Variants in NFIL3 observed in about 807,000 individuals in gnomAD.
NFIL3 encodes the protein nuclear factor, interleukin 3 regulated.
In NFIL3, 5 loss-of-function variants were observed where a neutral mutation model predicts 10.0. The observed-to-expected ratio is 0.50, with a 90% CI of 0.26 to 1.06. The LOEUF (loss-of-function observed/expected upper bound fraction) is 1.06. Among genes scored for constraint, NFIL3 ranks in the 50% least tolerant of loss-of-function variants. The pLI, the probability that NFIL3 is intolerant of heterozygous loss-of-function variation, is 0.13. For missense variants in NFIL3, 436 were observed against 547.6 expected (o/e 0.80, Z 2.03); for synonymous variants, 202 against 206.5 (o/e 0.98, Z 0.19).
chr9:91,447,068 G>A, the NFIL3 span, among the ~76,000 whole-genome samples: 3 of 151,986 alleles, frequency 2.0e-5, no homozygotes, highest in Admixed American at 6.6e-5. Context: ...TGCTTGCCTC[G>A]GCCTCCCAAA....
At chr9:91,411,873 C>T (rs1418847020) in intron 1 of NFIL3, among the ~76,000 whole-genome samples, 4 of 151,892 alleles carry the variant, frequency 2.6e-5, no homozygotes, top group African/African-American at 7.3e-5. Context: ...TAGGCCGAAG[C>T]GGGCAGATCA....
At chr9:91,437,906 ATC>A in the NFIL3 span, among the ~76,000 whole-genome samples, 1 of 152,192 alleles carries the variant, frequency 6.6e-6, no homozygotes, top group Non-Finnish European at 1.5e-5. Flanking sequence ...AACTATTTGT[ATC>A]TCTACAGACA....
Position 91,410,671 on chromosome 9 carries a change from C to A in NFIL3, c.64G>T (p.Val22Leu). The A allele has an allele frequency of 2.5e-6, 4 of 1,613,034 alleles. No individual in the cohort carries two copies. Among genetic ancestry groups the A allele is most frequent in the Non-Finnish European group, 3.4e-6 (4 of 1,179,744 alleles). ...GAATTAAGGACCATCATCTTGTCCA[C>A]ATTGCTACTGGCATCAAGAGACGCC... ...EQASLDASSN[V>L]DKMMVLNSAL... The change falls in exon 2 of 2, where the codon GTG becomes TTG. Residue 22 changes from valine to leucine, a missense_variant. Around this residue, in one of 3 missense-constraint regions of NFIL3, gnomAD observed 76 missense variants for 73.0 expected, o/e 1.04. Transcript: ENST00000297689. This position sits in a 1 kb window ranked among gnomAD's most constrained non-coding sequence, Gnocchi z 5.7.
At chr9:91,467,142 A>G in the NFIL3 span, among the ~76,000 whole-genome samples, 1 of 152,022 alleles carries the variant, frequency 6.6e-6, no homozygotes, top group Non-Finnish European at 1.5e-5. Flanking sequence ...CTTAAACTAA[A>G]TATCTCTCTC....
chr9:91,462,431 C>T, the NFIL3 span, among the ~76,000 whole-genome samples: 4 of 152,140 alleles, frequency 2.6e-5, no homozygotes, highest in South Asian at 8.3e-4. Flanking sequence ...TTGTCAAATG[C>T]TTTTTCTGCA....
the NFIL3 span, among the ~76,000 whole-genome samples, chr9:91,457,358 T>C: frequency 2.0e-5 from 3 of 152,014 alleles, no homozygotes; most frequent in Non-Finnish European, 4.4e-5. Flanking sequence ...TAAACACTTG[T>C]TATCTCTGCA....
chr9:91,412,610 G>A lies in NFIL3; in HGVS notation c.-172-1704C>T, dbSNP rs183420312. On this transcript the variant is annotated intron_variant, in intron 1 of 1. Transcript: ENST00000297689. ...TGTAATCCCAGCACTTTGGGAGGCC[G>A]AGGTGGGCGGATCACCTGAGGTCAG... 4.1e-3 allele frequency among the ~76,000 whole-genome samples: 623 copies of A among 152,202 alleles called. 2 individuals carry two copies. The highest frequency in any genetic ancestry group is 0.014 in the African/African-American group (571 of 41,522).
At chr9:91,430,056 A>C in the NFIL3 span, among the ~76,000 whole-genome samples, 1 of 152,222 alleles carries the variant, frequency 6.6e-6, no homozygotes, top group Non-Finnish European at 1.5e-5. Flanking sequence ...CTGATATATT[A>C]GCAAGTGTTA....
the NFIL3 span, among the ~76,000 whole-genome samples, chr9:91,459,463 C>G: frequency 6.6e-6 from 1 of 152,188 alleles, no homozygotes; most frequent in Non-Finnish European, 1.5e-5. Flanking sequence ...CCTCTCTCCT[C>G]TCTCAGTTTG....
At chr9:91,446,643 T>G in the NFIL3 span, among the ~76,000 whole-genome samples, 8 of 152,172 alleles carry the variant, frequency 5.3e-5, no homozygotes, top group Non-Finnish European at 1.0e-4. Context: ...TCTAGTAATC[T>G]CTAATATACT....
chr9:91,452,787 C>CAAA, the NFIL3 span, among the ~76,000 whole-genome samples: 53 of 59,698 alleles, frequency 8.9e-4, 1 homozygote, highest in African/African-American at 1.8e-3. Context: ...AACTCTGTCT[C>CAAA]AAAAAAAAAA....
chr9:91,438,191 A>G, the NFIL3 span, among the ~76,000 whole-genome samples: 2 of 152,176 alleles, frequency 1.3e-5, no homozygotes, highest in East Asian at 1.9e-4. Context: ...TGACTTTTAA[A>G]TAATAGCCAT....
At chr9:91,472,177 G>A in the NFIL3 span, among the ~76,000 whole-genome samples, 1 of 152,136 alleles carries the variant, frequency 6.6e-6, no homozygotes. Context: ...TGACGATTAT[G>A]TGTCTTGGGG....
chr9:91,431,030 A>G, the NFIL3 span, among the ~76,000 whole-genome samples: 2 of 152,270 alleles, frequency 1.3e-5, no homozygotes, highest in Admixed American at 6.5e-5. Flanking sequence ...GACCAAGGGA[A>G]CCTTGGGGAG....
the NFIL3 span, among the ~76,000 whole-genome samples, chr9:91,474,104 A>G: frequency 6.6e-6 from 1 of 151,358 alleles, no homozygotes; most frequent in South Asian, 2.1e-4. Flanking sequence ...TTTTTAATCA[A>G]GTTGACAAAG....
chr9:91,416,210 G>A (rs1225939460), intron 1 of NFIL3, among the ~76,000 whole-genome samples: 1 of 150,446 alleles, frequency 6.6e-6, no homozygotes, highest in East Asian at 1.9e-4. Context: ...TTCAACATGA[G>A]GCGGGGGACA....
chr9:91,445,844 A>G, the NFIL3 span, among the ~76,000 whole-genome samples: 2 of 152,124 alleles, frequency 1.3e-5, no homozygotes, highest in African/African-American at 4.8e-5. Flanking sequence ...GTGTCTCCAC[A>G]GTAGCTTAGC....
At chr9:91,420,291 T>C (rs991396352) in intron 1 of NFIL3, among the ~76,000 whole-genome samples, 1 of 151,240 alleles carries the variant, frequency 6.6e-6, no homozygotes, top group Non-Finnish European at 1.5e-5. Flanking sequence ...ACAGACTTAA[T>C]TCCAACACGA....
At chr9:91,415,133 A>C (rs1200733521) in intron 1 of NFIL3, among the ~76,000 whole-genome samples, 1 of 152,112 alleles carries the variant, frequency 6.6e-6, no homozygotes. Flanking sequence ...GGAGAGAAAA[A>C]CCAAACTCCC....
Sources: gnomAD v4.1 joint callset for allele counts (sites outside exome capture counted in the v4.1 genomes callset) on GRCh38, gnomAD v4.1.1 for gene constraint, gnomAD v4.1.1 regional missense constraint, Gnocchi (gnomAD v3.1) non-coding constraint, MANE v1.5 for transcripts, NCBI Gene and HGNC (gene_info 2026-07-23, HGNC 2026-07-21) for gene names.